Variants in SHC4 observed in about 807,000 individuals in gnomAD.
The protein encoded by SHC4 is SHC adaptor protein 4.
SHC4 carries 41 observed loss-of-function variants against 69.4 expected under a neutral mutation model. That is an observed-to-expected ratio of 0.59 (90% CI 0.46 to 0.77). The LOEUF (loss-of-function observed/expected upper bound fraction) is 0.77, where lower values mean the gene tolerates loss of function less well. Among genes scored for constraint, SHC4 ranks in the 30% least tolerant of loss-of-function variants. SHC4 has a pLI of 0.00. For missense variants in SHC4, 777 were observed against 783.8 expected (o/e 0.99, Z 0.10); for synonymous variants, 318 against 299.3 (o/e 1.06, Z -0.64).
intron 6 of SHC4, 22 bp downstream of exon 6, chr15:48,867,796 A>C (rs1229837417): frequency 6.2e-7 from 1 of 1,611,146 alleles, no homozygotes; most frequent in Non-Finnish European, 8.5e-7. Flanking sequence ...TCTTTAAAAA[A>C]TCTGTAAGTT....
chr15:48,831,300 T>C (rs559584849), intron 11 of SHC4, among the ~76,000 whole-genome samples: 1 of 152,312 alleles, frequency 6.6e-6, no homozygotes, highest in East Asian at 1.9e-4. Flanking sequence ...GCATAGTGTT[T>C]ATAAAGTGTG....
intron 1 of SHC4, among the ~76,000 whole-genome samples, chr15:48,925,762 A>G (rs1900843351): frequency 6.6e-6 from 1 of 152,174 alleles, no homozygotes; most frequent in South Asian, 2.1e-4. Context: ...AGTCAGCGGC[A>G]GTATGAAGGT....
chr15:48,860,574 AAAC>A (rs1353952213), intron 6 of SHC4, among the ~76,000 whole-genome samples: 2 of 152,188 alleles, frequency 1.3e-5, no homozygotes, highest in African/African-American at 2.4e-5. Flanking sequence ...ATCAAAATGG[AAAC>A]AACAATTTTT....
At chr15:48,857,471 T>C (rs921694936) in intron 7 of SHC4, among the ~76,000 whole-genome samples, 3 of 152,176 alleles carry the variant, frequency 2.0e-5, no homozygotes, top group Admixed American at 1.3e-4. Flanking sequence ...TCTCTTTTAA[T>C]CTTGTTACAA....
intron 6 of SHC4, among the ~76,000 whole-genome samples, chr15:48,866,216 T>C (rs1899556511): frequency 6.6e-6 from 1 of 152,224 alleles, no homozygotes; most frequent in Non-Finnish European, 1.5e-5. Flanking sequence ...TGCCCTTTTC[T>C]GGTATCCTTT....
intron 1 of SHC4, among the ~76,000 whole-genome samples, chr15:48,937,216 G>C (rs1243285595): frequency 6.6e-6 from 1 of 152,108 alleles, no homozygotes; most frequent in East Asian, 1.9e-4. Context: ...TGAATAGGTA[G>C]GTGATCTCCT....
At chr15:48,934,395 A>G (rs1302320249) in intron 1 of SHC4, among the ~76,000 whole-genome samples, 1 of 152,196 alleles carries the variant, frequency 6.6e-6, no homozygotes, top group African/African-American at 2.4e-5. Flanking sequence ...GTACAACTTC[A>G]CACCCTCTGG....
At chr15:48,879,693 CCT>C (rs1193750418) in intron 4 of SHC4, 2 of 167,082 alleles carry the variant, frequency 1.2e-5, no homozygotes, top group Non-Finnish European at 2.9e-5. Context: ...AGGTTTTAAA[CCT>C]GCCCAGAAAT....
chr15:48,933,710 C>T (rs1192755818), intron 1 of SHC4, among the ~76,000 whole-genome samples: 1 of 152,146 alleles, frequency 6.6e-6, no homozygotes, highest in Non-Finnish European at 1.5e-5. Flanking sequence ...ACTTACTGCT[C>T]AGCTACACAA....
intron 2 of SHC4, among the ~76,000 whole-genome samples, chr15:48,903,521 T>G (rs1264392346): frequency 6.6e-6 from 1 of 152,126 alleles, no homozygotes; most frequent in Non-Finnish European, 1.5e-5. Context: ...TTGCAGATGC[T>G]TTGGGGGACT....
intron 1 of SHC4, among the ~76,000 whole-genome samples, chr15:48,954,908 A>T (rs1246923133): frequency 1.3e-5 from 2 of 152,304 alleles, no homozygotes; most frequent in East Asian, 1.9e-4. Context: ...AAGGCTTATC[A>T]AGTTTTAGTT....
chr15:48,914,311 A>C (rs911132795), intron 2 of SHC4, among the ~76,000 whole-genome samples: 7 of 152,208 alleles, frequency 4.6e-5, no homozygotes, highest in South Asian at 2.1e-4. Flanking sequence ...GTGTGAGTAC[A>C]TGGGTTTGAG....
intron 1 of SHC4, among the ~76,000 whole-genome samples, chr15:48,951,894 T>G (rs1371144274): frequency 2.6e-5 from 4 of 152,220 alleles, no homozygotes; most frequent in African/African-American, 9.7e-5. Context: ...TGCTTTACTT[T>G]CCTACCACAC....
At chr15:48,915,225 CT>C (rs1900597111) in intron 2 of SHC4, among the ~76,000 whole-genome samples, 2 of 152,180 alleles carry the variant, frequency 1.3e-5, no homozygotes, top group African/African-American at 4.8e-5. Context: ...AACTATGTGC[CT>C]GCTGTGTGAA....
intron 1 of SHC4, among the ~76,000 whole-genome samples, chr15:48,925,729 AG>A (rs1322128932): frequency 6.6e-6 from 1 of 152,172 alleles, no homozygotes; most frequent in East Asian, 1.9e-4. Context: ...TGATGCGATT[AG>A]ATCTGTGTTG....
At chr15:48,940,137 T>C (rs1264193560) in intron 1 of SHC4, among the ~76,000 whole-genome samples, 3 of 152,218 alleles carry the variant, frequency 2.0e-5, no homozygotes, top group Non-Finnish European at 4.4e-5. Flanking sequence ...ATCAAGTTGG[T>C]TATGGTTACT....
chr15:48,859,560 A>G (rs976958551), intron 6 of SHC4, among the ~76,000 whole-genome samples: 3 of 152,180 alleles, frequency 2.0e-5, no homozygotes, highest in African/African-American at 4.8e-5. Context: ...TATTGTTCCT[A>G]TATTTTTCTC....
chr15:48,955,216 A>G (rs1901425842), intron 1 of SHC4, among the ~76,000 whole-genome samples: 1 of 152,180 alleles, frequency 6.6e-6, no homozygotes, highest in South Asian at 2.1e-4. Flanking sequence ...CTGAAGGGGA[A>G]AATGAAAGAC....
intron 10 of SHC4, 85 bp from the exon 11 acceptor site, chr15:48,835,107 C>T: frequency 6.8e-7 from 1 of 1,468,886 alleles, no homozygotes. Context: ...TAAATATAAC[C>T]TGAGGTCCTA....
Sources: gnomAD v4.1 joint callset for allele counts (sites outside exome capture counted in the v4.1 genomes callset) on GRCh38, gnomAD v4.1.1 for gene constraint, MANE v1.5 for transcripts, NCBI Gene and HGNC (gene_info 2026-07-23, HGNC 2026-07-21) for gene names.